TNNI3K: variants seen among roughly 807,000 people sequenced by gnomAD.
TNNI3K encodes TNNI3 interacting kinase.
Under a neutral mutation model 114.5 loss-of-function variants are expected in TNNI3K, and 140 were observed. The observed-to-expected ratio is 1.22, with a 90% CI of 1.07 to 1.41. The LOEUF is 1.41. Among genes scored for constraint, TNNI3K ranks in the 40% most tolerant of loss-of-function variants. The probability of loss-of-function intolerance (pLI) is 0.00; values close to 1 mark genes in which losing one functional copy is unlikely to be tolerated. For missense variants in TNNI3K, 1,125 were observed against 1,007.6 expected, an observed-to-expected ratio of 1.12 and a Z score of -1.58; for synonymous variants, 347 against 347.5, an observed-to-expected ratio of 1.00 and a Z score of 0.02.
intron 5 of TNNI3K, among the ~76,000 whole-genome samples, chr1:74,323,076 G>T (rs1037242849): frequency 2.6e-5 from 4 of 152,020 alleles, no homozygotes; most frequent in Non-Finnish European, 5.9e-5. Flanking sequence ...ATATGACTTA[G>T]AATATGTTTA....
intron 17 of TNNI3K, among the ~76,000 whole-genome samples, chr1:74,422,217 A>G (rs1228345327): frequency 6.6e-6 from 1 of 151,930 alleles, no homozygotes; most frequent in East Asian, 1.9e-4. Flanking sequence ...CTTTACCGGA[A>G]ATAAAGTGAA....
At chr1:74,295,144 G>A (rs1657903144) in intron 5 of TNNI3K, among the ~76,000 whole-genome samples, 1 of 145,008 alleles carries the variant, frequency 6.9e-6, no homozygotes, top group African/African-American at 2.6e-5. Context: ...TTTTTTCATT[G>A]CTAAATTTTC....
At chr1:74,352,810 G>T (rs1378999635) in intron 9 of TNNI3K, among the ~76,000 whole-genome samples, 1 of 151,958 alleles carries the variant, frequency 6.6e-6, no homozygotes, top group African/African-American at 2.4e-5. Flanking sequence ...TGTTAAGCCT[G>T]TTGGAAAAGC....
At chr1:74,277,497 A>T (rs1341121930) in intron 5 of TNNI3K, among the ~76,000 whole-genome samples, 1 of 152,196 alleles carries the variant, frequency 6.6e-6, no homozygotes, top group East Asian at 1.9e-4. Flanking sequence ...GCAACATTAA[A>T]TGACTCAAAA....
intron 5 of TNNI3K, among the ~76,000 whole-genome samples, chr1:74,320,390 T>G (rs932640677): frequency 1.3e-5 from 2 of 152,210 alleles, no homozygotes; most frequent in African/African-American, 4.8e-5. Context: ...ATGGAATCAC[T>G]TATTCTAAAA....
chr1:74,327,584 T>A (rs1031084663), intron 5 of TNNI3K, among the ~76,000 whole-genome samples: 2 of 146,382 alleles, frequency 1.4e-5, no homozygotes, highest in Admixed American at 1.4e-4. Flanking sequence ...TATATATATA[T>A]CAGTGGTATT....
intron 5 of TNNI3K, among the ~76,000 whole-genome samples, chr1:74,288,797 G>A (rs958345313): frequency 2.6e-5 from 4 of 151,982 alleles, no homozygotes; most frequent in African/African-American, 9.7e-5. Context: ...ACTATGTGAG[G>A]TGATGGATAT....
At chr1:74,268,013 A>G (rs1656107880) in intron 4 of TNNI3K, among the ~76,000 whole-genome samples, 1 of 151,970 alleles carries the variant, frequency 6.6e-6, no homozygotes, top group Non-Finnish European at 1.5e-5. Flanking sequence ...CATAAAATAG[A>G]CATTCATTAA....
At chr1:74,449,582 A>C (rs1490238651) in intron 20 of TNNI3K, among the ~76,000 whole-genome samples, 1 of 151,380 alleles carries the variant, frequency 6.6e-6, no homozygotes, top group Non-Finnish European at 1.5e-5. Context: ...AATGGAAAAC[A>C]AAAAAAGGCA....
At chr1:74,426,324 A>G (rs1665639211) in intron 17 of TNNI3K, among the ~76,000 whole-genome samples, 1 of 152,118 alleles carries the variant, frequency 6.6e-6, no homozygotes, top group Non-Finnish European at 1.5e-5. Context: ...AACACTCCTT[A>G]GAGGTCAAGC....
chr1:74,322,536 C>T (rs938376435), intron 5 of TNNI3K, among the ~76,000 whole-genome samples: 4 of 151,058 alleles, frequency 2.6e-5, no homozygotes, highest in Non-Finnish European at 5.9e-5. Flanking sequence ...TCTCGGCTCA[C>T]GGCAACCTCC....
intron 21 of TNNI3K, among the ~76,000 whole-genome samples, chr1:74,488,145 G>A (rs1457430966): frequency 1.3e-5 from 2 of 152,160 alleles, no homozygotes; most frequent in Non-Finnish European, 2.9e-5. Context: ...AAGAATGAGG[G>A]GGTGTGGCTA....
intron 20 of TNNI3K, among the ~76,000 whole-genome samples, chr1:74,456,584 C>T (rs1218625018): frequency 6.6e-6 from 1 of 152,164 alleles, no homozygotes; most frequent in Non-Finnish European, 1.5e-5. Flanking sequence ...TTCCCATTTC[C>T]TTATAACCAG....
chr1:74,498,727 T>G (rs72977490), intron 23 of TNNI3K, among the ~76,000 whole-genome samples: 2 of 151,936 alleles, frequency 1.3e-5, no homozygotes, highest in African/African-American at 4.8e-5. Flanking sequence ...TTTCCAGTCT[T>G]CCCCCCGACT....
intron 23 of TNNI3K, among the ~76,000 whole-genome samples, chr1:74,515,363 C>T (rs1405658866): frequency 6.6e-6 from 1 of 152,094 alleles, no homozygotes; most frequent in East Asian, 1.9e-4. Flanking sequence ...CCACACCTAA[C>T]CCAGTATGAG....
intron 5 of TNNI3K, among the ~76,000 whole-genome samples, chr1:74,324,978 G>C (rs1659821387): frequency 6.6e-6 from 1 of 152,166 alleles, no homozygotes; most frequent in African/African-American, 2.4e-5. Flanking sequence ...CAGACCTTCT[G>C]AAAGGTCAGA....
chr1:74,520,315 G>C (rs188625366), intron 23 of TNNI3K, among the ~76,000 whole-genome samples: 9 of 152,256 alleles, frequency 5.9e-5, no homozygotes, highest in Non-Finnish European at 1.5e-5. Flanking sequence ...TACACGTACA[G>C]AATTGAAGTG....
chr1:74,542,258 G>A (rs1191138326), intron 24 of TNNI3K, among the ~76,000 whole-genome samples: 1 of 152,170 alleles, frequency 6.6e-6, no homozygotes, highest in African/African-American at 2.4e-5. Context: ...GGAGTCCTGT[G>A]GGGCAAGAGG....
intron 5 of TNNI3K, among the ~76,000 whole-genome samples, chr1:74,313,548 G>T (rs1054792017): frequency 6.6e-6 from 1 of 152,106 alleles, no homozygotes; most frequent in Non-Finnish European, 1.5e-5. Context: ...CCTCACTAAG[G>T]TTTAGCAGAT....
Sources: allele counts gnomAD v4.1 joint callset (sites outside exome capture counted in the v4.1 genomes callset), GRCh38; gene constraint gnomAD v4.1.1; transcripts MANE v1.5; gene names NCBI Gene and HGNC (gene_info 2026-07-23, HGNC 2026-07-21).